TYR: variants seen among roughly 807,000 people sequenced by gnomAD.
TYR encodes the protein tyrosinase, also known as LB24-AB.
Under a neutral mutation model 51.5 loss-of-function variants are expected in TYR, and 58 were observed. The ratio of observed to expected loss-of-function variants is 1.13; its 90% CI spans 0.91 to 1.40. The LOEUF is 1.40. Among genes scored for constraint, TYR ranks in the 40% most tolerant of loss-of-function variants. The pLI is 0.00. For missense variants in TYR, 732 were observed against 647.4 expected, an observed-to-expected ratio of 1.13 and a Z score of -1.42; for synonymous variants, 263 against 235.2, an observed-to-expected ratio of 1.12 and a Z score of -1.08.
At chr11:89,209,131 G>A (rs550154718) in intron 2 of TYR, among the ~76,000 whole-genome samples, 1 of 152,168 alleles carries the variant, frequency 6.6e-6, no homozygotes, top group Admixed American at 6.5e-5. Flanking sequence ...AAAGCAGGAT[G>A]GGGGGTCACC....
intron 1 of TYR, among the ~76,000 whole-genome samples, chr11:89,181,712 G>A (rs1217703621): frequency 6.6e-6 from 1 of 152,108 alleles, no homozygotes; most frequent in Admixed American, 6.5e-5. Context: ...AGGGTAACCT[G>A]TGCATTTTAT....
chr11:89,229,507 T>TG (rs1432404361), intron 3 of TYR, among the ~76,000 whole-genome samples: 3 of 151,814 alleles, frequency 2.0e-5, no homozygotes, highest in Non-Finnish European at 4.4e-5. Flanking sequence ...TGACCACTCT[T>TG]GCCACCTCCA....
chr11:89,287,628 A>G (rs1272961888), intron 4 of TYR, among the ~76,000 whole-genome samples: 1 of 151,976 alleles, frequency 6.6e-6, no homozygotes, highest in Admixed American at 6.6e-5. Context: ...TATGACAGGT[A>G]GAATTAACTA....
At chr11:89,185,708 A>T (rs565420680) in intron 1 of TYR, among the ~76,000 whole-genome samples, 2 of 152,228 alleles carry the variant, frequency 1.3e-5, no homozygotes, top group African/African-American at 4.8e-5. Context: ...GACTCTCCTG[A>T]ATTTCATCTT....
chr11:89,189,772 T>A (rs1201054078), intron 1 of TYR, among the ~76,000 whole-genome samples: 2 of 152,132 alleles, frequency 1.3e-5, no homozygotes, highest in East Asian at 3.9e-4. Flanking sequence ...GTTAAATCAT[T>A]TTCTTAAGTG....
intron 3 of TYR, among the ~76,000 whole-genome samples, chr11:89,238,478 A>C (rs1190661511): frequency 2.0e-5 from 3 of 152,062 alleles, no homozygotes; most frequent in Non-Finnish European, 4.4e-5. Context: ...TTTAATTTTT[A>C]ATAGAATTTT....
intron 2 of TYR, among the ~76,000 whole-genome samples, chr11:89,199,775 T>C (rs926600268): frequency 6.6e-6 from 1 of 152,184 alleles, no homozygotes; most frequent in Non-Finnish European, 1.5e-5. Context: ...AGGCTGTCAG[T>C]CTTCATGATG....
intron 3 of TYR, among the ~76,000 whole-genome samples, chr11:89,235,286 T>A (rs1413628636): frequency 6.6e-6 from 1 of 152,146 alleles, no homozygotes; most frequent in Non-Finnish European, 1.5e-5. Flanking sequence ...AAACTAAAGA[T>A]AGAATCATCA....
intron 3 of TYR, among the ~76,000 whole-genome samples, chr11:89,253,925 T>A (rs1384828242): frequency 1.3e-5 from 2 of 151,672 alleles, no homozygotes; most frequent in African/African-American, 4.8e-5. Flanking sequence ...GAATGCTTTT[T>A]TCTTTTCTCT....
intron 3 of TYR, among the ~76,000 whole-genome samples, chr11:89,269,980 A>G (rs1944569748): frequency 6.6e-6 from 1 of 151,912 alleles, no homozygotes; most frequent in African/African-American, 2.4e-5. Context: ...TTGAGCTCCC[A>G]AACTCAGCTG....
intron 1 of TYR, among the ~76,000 whole-genome samples, chr11:89,187,987 T>C (rs1943398139): frequency 6.6e-6 from 1 of 151,454 alleles, no homozygotes; most frequent in South Asian, 2.1e-4. Flanking sequence ...GTAACTTATC[T>C]TCTAGTGGAG....
Position 89,284,812 on chromosome 11 carries a change from A to G in TYR, c.1224A>G (p.Gln408=), listed in dbSNP as rs553655863. 4.3e-6 allele frequency: 7 copies of G among 1,611,872 alleles called. No individual in the cohort carries two copies. Among genetic ancestry groups the G allele is most frequent in the South Asian group, 2.2e-5 (2 of 91,032 alleles). The change falls in exon 4 of 5, where the codon CAA becomes CAG. Residue 408 remains glutamine, a synonymous_variant. Transcript: ENST00000263321. The part of the protein sequence containing the change: ...EQWLRRHRPL[Q]EVYPEANAPI... ...GGCTCCGAAGGCACCGTCCTCTTCAAGAAGTTTATCCAGAAGCCAATGCAC... is the reference window on the plus strand; with the variant it reads ...GGCTCCGAAGGCACCGTCCTCTTCAGGAAGTTTATCCAGAAGCCAATGCAC...
intron 3 of TYR, among the ~76,000 whole-genome samples, chr11:89,262,148 T>C (rs1944463720): frequency 6.6e-6 from 1 of 152,140 alleles, no homozygotes; most frequent in South Asian, 2.1e-4. Context: ...AACCTCTGCC[T>C]CCTGGGTTCA....
intron 3 of TYR, among the ~76,000 whole-genome samples, chr11:89,235,486 T>G (rs1591172904): frequency 6.6e-6 from 1 of 152,282 alleles, no homozygotes; most frequent in African/African-American, 2.4e-5. Context: ...GAAATACTAT[T>G]TACCATTTAA....
chr11:89,194,656 C>A (rs1943492023), intron 2 of TYR, among the ~76,000 whole-genome samples: 1 of 149,596 alleles, frequency 6.7e-6, no homozygotes, highest in African/African-American at 2.5e-5. Flanking sequence ...TTTTTTCTAT[C>A]TATCTATCTA....
At chr11:89,247,921 G>A (rs891029256) in intron 3 of TYR, among the ~76,000 whole-genome samples, 3 of 152,128 alleles carry the variant, frequency 2.0e-5, no homozygotes, top group Non-Finnish European at 4.4e-5. Context: ...CAGAGCCAAG[G>A]GATGAACAGA....
intron 3 of TYR, among the ~76,000 whole-genome samples, chr11:89,249,575 G>T (rs1376292805): frequency 6.6e-6 from 1 of 151,704 alleles, no homozygotes; most frequent in African/African-American, 2.4e-5. Flanking sequence ...ACACAAGGAT[G>T]ATCATGCCCT....
At chr11:89,225,516 C>T (rs900344243) in intron 2 of TYR, among the ~76,000 whole-genome samples, 1 of 151,630 alleles carries the variant, frequency 6.6e-6, no homozygotes, top group South Asian at 2.1e-4. Flanking sequence ...TTAAGCATAA[C>T]ATATATAACA....
At chr11:89,195,299 C>G (rs1943501421) in intron 2 of TYR, among the ~76,000 whole-genome samples, 2 of 152,138 alleles carry the variant, frequency 1.3e-5, no homozygotes, top group African/African-American at 4.8e-5. Context: ...TTATTTTTGT[C>G]TACTGAAGTT....
Sources: gnomAD v4.1 joint callset for allele counts (sites outside exome capture counted in the v4.1 genomes callset) on GRCh38, gnomAD v4.1.1 for gene constraint, MANE v1.5 for transcripts, NCBI Gene and HGNC (gene_info 2026-07-23, HGNC 2026-07-21) for gene names.